LNX1: variants seen among roughly 807,000 people sequenced by gnomAD.
LNX1 encodes ligand of numb-protein X 1, also known as E3 ubiquitin-protein ligase LNX.
A neutral mutation model predicts 68.4 loss-of-function variants in LNX1; 54 were observed. That is an observed-to-expected ratio of 0.79 (90% confidence interval 0.63 to 0.99). The LOEUF (loss-of-function observed/expected upper bound fraction) is 0.99, where lower values mean the gene tolerates loss of function less well. LNX1 is among the 50% of genes least tolerant of loss of function. The pLI, the probability that LNX1 is intolerant of heterozygous loss-of-function variation, is 0.00. For synonymous variants in LNX1, 336 were observed against 350.0 expected (o/e 0.96, Z 0.45); for missense variants, 906 against 926.4 (o/e 0.98, Z 0.29).
At chr4:53,565,002 C>A (rs1313252966) in intron 2 of LNX1, among the ~76,000 whole-genome samples, 2 of 152,196 alleles carry the variant, frequency 1.3e-5, no homozygotes, top group Non-Finnish European at 2.9e-5. Flanking sequence ...GGTCCTACCC[C>A]ACGGAGTCTC....
intron 6 of LNX1, among the ~76,000 whole-genome samples, chr4:53,494,104 G>A (rs1422926818): frequency 6.6e-6 from 1 of 152,132 alleles, no homozygotes; most frequent in Admixed American, 6.5e-5. Flanking sequence ...ATCTTGAATT[G>A]TAGCTCCCAT....
intron 2 of LNX1, among the ~76,000 whole-genome samples, chr4:53,601,930 C>T (rs1379113572): frequency 6.6e-6 from 1 of 152,154 alleles, no homozygotes; most frequent in Non-Finnish European, 1.5e-5. Flanking sequence ...CATACCACCC[C>T]ATTCTGTAGA....
intron 4 of LNX1, among the ~76,000 whole-genome samples, chr4:53,503,418 T>C (rs1366187668): frequency 1.3e-5 from 2 of 152,370 alleles, no homozygotes; most frequent in East Asian, 1.9e-4. Context: ...GAATGGATAT[T>C]GTGTTATCAG....
At chr4:53,514,646 C>A (rs2109545559) in intron 2 of LNX1, among the ~76,000 whole-genome samples, 1 of 61,158 alleles carries the variant, frequency 1.6e-5, no homozygotes, top group Middle Eastern at 0.01. Context: ...CAATTCAACA[C>A]AAGATTTGGG....
At chr4:53,651,166 G>C (rs1036222925) in intron 1 of LNX1, among the ~76,000 whole-genome samples, 6 of 152,150 alleles carry the variant, frequency 3.9e-5, no homozygotes, top group Admixed American at 2.0e-4. Flanking sequence ...ACATGGACTT[G>C]GTGTAAGCAA....
intron 8 of LNX1, among the ~76,000 whole-genome samples, chr4:53,477,208 G>T (rs1723622388): frequency 6.6e-6 from 1 of 150,498 alleles, no homozygotes; most frequent in Admixed American, 6.6e-5. Flanking sequence ...AGCTATCGGT[G>T]TTTTACACAA....
chr4:53,537,352 A>T (rs1375176366), intron 2 of LNX1, among the ~76,000 whole-genome samples: 1 of 152,072 alleles, frequency 6.6e-6, no homozygotes, highest in Non-Finnish European at 1.5e-5. Flanking sequence ...CTTAATTGAC[A>T]ATGTTTTGTC....
chr4:53,609,683 C>T (rs2109846088), intron 2 of LNX1, among the ~76,000 whole-genome samples: 1 of 140,282 alleles, frequency 7.1e-6, no homozygotes, highest in South Asian at 2.2e-4. Flanking sequence ...TATTATAGTA[C>T]TATTATAATA....
upstream of LNX1, among the ~76,000 whole-genome samples, chr4:53,596,368 A>C (rs1311175849): frequency 7.2e-5 from 11 of 152,212 alleles, no homozygotes; most frequent in Non-Finnish European, 1.6e-4. Flanking sequence ...TATCTCAGGG[A>C]AATTAGCATT....
At position 53,459,482 on chromosome 4, in the gene LNX1, C is replaced by CAGA. The variant is rs1339969356; in HGVS notation, c.*1422_*1424dup. On this transcript the variant is annotated 3_prime_UTR_variant, in exon 11 of 11. Coordinates refer to ENST00000263925, the MANE Select transcript of LNX1 (RefSeq NM_001126328.3). ...TTTGGCCTTTTGTGTATATTAGTAC[C>CAGA]AGAAGTAGATACTATAAATCTTGTT... 3 of 1,612,484 alleles carry CAGA rather than the reference C, an allele frequency of 1.9e-6. No individual in the cohort carries two copies. The highest frequency in any genetic ancestry group is 3.3e-5 in the Admixed American group (2 of 59,924).
intron 4 of LNX1, among the ~76,000 whole-genome samples, chr4:53,504,049 C>A (rs1438341903): frequency 1.3e-5 from 2 of 152,154 alleles, no homozygotes; most frequent in Admixed American, 6.5e-5. Flanking sequence ...ACAAGAGAAT[C>A]ACTTGAACCC....
Position 53,576,020 on chromosome 4 carries a change from G to A in LNX1, c.-86-1932C>T. On this transcript the variant is annotated intron_variant, in intron 1 of 10. Coordinates refer to ENST00000263925, the MANE Select transcript of LNX1 (RefSeq NM_001126328.3). ...CAGGCCCTCCATCTTCCCCCCACCA[G>A]CCTGAAGCCCAACACCTTCAGGGAC... 3 of 1,569,886 alleles carry A rather than the reference G, an allele frequency of 1.9e-6. 1 individual carries two copies. In the East Asian group the frequency reaches 6.9e-5, roughly 36 times the overall value.
intron 2 of LNX1, among the ~76,000 whole-genome samples, chr4:53,548,664 C>T (rs2109688635): frequency 6.6e-6 from 1 of 152,286 alleles, no homozygotes; most frequent in East Asian, 1.9e-4. Flanking sequence ...CCCAGCAATC[C>T]CATTACTGGG....
chr4:53,498,886 G>T, intron 4 of LNX1, 43 bp from the exon 5 acceptor site: 2 of 1,449,286 alleles, frequency 1.4e-6, no homozygotes, highest in Non-Finnish European at 1.9e-6. Flanking sequence ...CCCACCCAAT[G>T]GACCTTTCCA....
chr4:53,501,523 G>T (rs995337893), intron 4 of LNX1, among the ~76,000 whole-genome samples: 1 of 152,124 alleles, frequency 6.6e-6, no homozygotes, highest in African/African-American at 2.4e-5. Context: ...GGGCTCAAGA[G>T]ATCCTCTCAC....
intron 2 of LNX1, among the ~76,000 whole-genome samples, chr4:53,568,689 G>C (rs1415279677): frequency 6.6e-6 from 1 of 151,586 alleles, no homozygotes; most frequent in Non-Finnish European, 1.5e-5. Flanking sequence ...AGGAAATAAA[G>C]GGTATTCAAT....
chr4:53,492,181 G>T (rs1724731115), intron 6 of LNX1, among the ~76,000 whole-genome samples: 1 of 152,118 alleles, frequency 6.6e-6, no homozygotes. Flanking sequence ...AGCAGAAATG[G>T]ACACAATTCT....
Position 53,477,048 on chromosome 4 carries a change from A to C in LNX1, c.1664-67T>G, listed in dbSNP as rs1407989601. ...AAACAGGGACTTCTGCTTAAAGTGC[A>C]AGGGGATAGGGGCTGACTGGGATTG... On this transcript the variant is annotated intron_variant, in intron 8 of 10. Coordinates refer to ENST00000263925, the MANE Select transcript of LNX1 (RefSeq NM_001126328.3). The C allele has an allele frequency of 3.0e-6, 4 of 1,348,860 alleles. No homozygotes were observed. In the African/African-American group the frequency reaches 4.3e-5, roughly 14 times the overall value. The allele number at this position is 1,348,860 out of a possible 1,614,324, so 83.6% of individuals were successfully genotyped here.
rs1206227848 is a variant in LNX1, at chr4:53,591,357, CAAGAGAG to C, written c.-87+24_-87+30del. On this transcript the variant is annotated intron_variant, in intron 1 of 10. Coordinates refer to ENST00000263925, the MANE Select transcript of LNX1 (RefSeq NM_001126328.3). ...CCTCAGGGGCCAGTGGTCTAAATGC[CAAGAGAG>C]AAAAATGGAGGGTTTCAACTCACCT... is the stretch of plus-strand genomic sequence containing the variant. 11 of 983,894 alleles carry C rather than the reference CAAGAGAG, an allele frequency of 1.1e-5. No individual in the cohort carries two copies. The African/African-American group carries it at 1.9e-4, about 17-fold the overall frequency. 60.9% of individuals were successfully genotyped at this position (983,894 alleles called of 1,614,324 possible).
Sources: gnomAD v4.1 joint callset for allele counts (sites outside exome capture counted in the v4.1 genomes callset) on GRCh38, gnomAD v4.1.1 for gene constraint, MANE v1.5 for transcripts, NCBI Gene and HGNC (gene_info 2026-07-23, HGNC 2026-07-21) for gene names.